GALNTL6: variants seen among roughly 807,000 people sequenced by gnomAD.
GALNTL6 encodes the protein polypeptide N-acetylgalactosaminyltransferase like 6.
Under a neutral mutation model 73.7 loss-of-function variants are expected in GALNTL6, and 46 were observed. That is an observed-to-expected ratio of 0.62 (90% CI 0.49 to 0.80). The LOEUF (loss-of-function observed/expected upper bound fraction) is 0.80. GALNTL6 is among the 30% of genes least tolerant of loss of function. The pLI, the probability that GALNTL6 is intolerant of heterozygous loss-of-function variation, is 0.00. For missense variants in GALNTL6, 604 were observed against 755.0 expected, an observed-to-expected ratio of 0.80 and a Z score of 2.34; for synonymous variants, 259 against 263.7, an observed-to-expected ratio of 0.98 and a Z score of 0.17.
chr4:171,921,785 C>A (rs1737796143), intron 2 of GALNTL6, among the ~76,000 whole-genome samples: 1 of 152,002 alleles, frequency 6.6e-6, no homozygotes, highest in Admixed American at 6.6e-5. Context: ...ATCTTAACTG[C>A]TGTTACTAAT....
intron 2 of GALNTL6, among the ~76,000 whole-genome samples, chr4:171,852,898 A>G (rs1283385021): frequency 6.6e-6 from 1 of 151,634 alleles, no homozygotes; most frequent in Admixed American, 6.6e-5. Flanking sequence ...CCAGGCTGGA[A>G]TGCAGTGGCC....
Position 172,851,841 on chromosome 4 carries a change from T to C in GALNTL6, c.924-30949T>C, listed in dbSNP as rs184374160. ...TGCTGGGTCACAGCAACATGAGTTC[T>C]AAGTAGCCCCAATATTTAAGGTGTT... On this transcript the variant is annotated intron_variant, in intron 7 of 12. Coordinates refer to ENST00000506823, the MANE Select transcript of GALNTL6 (RefSeq NM_001034845.3). Among the ~76,000 whole-genome samples the C allele has an allele frequency of 2.0e-3, 304 of 152,240 alleles. 4 individuals are homozygous for C. The highest frequency in any genetic ancestry group is 7.1e-3 in the African/African-American group (296 of 41,544).
At position 172,099,257 on chromosome 4, in the gene GALNTL6, C is replaced by T. The variant is rs540256418; in HGVS notation, c.139-130399C>T. ...GGCAGTTAAAACCAAATGTAATGGT[C>T]AGGGGAATGGGTGAGGAGTTAAATA... On this transcript the variant is annotated intron_variant, in intron 2 of 12. Transcript: ENST00000506823. Among the ~76,000 whole-genome samples, 3 of 152,178 alleles carry T rather than the reference C, an allele frequency of 2.0e-5. No individual in the cohort carries two copies. In the South Asian group the frequency reaches 6.2e-4, roughly 32 times the overall value.
At chr4:172,881,872 G>GCTA (rs1479384351) in intron 7 of GALNTL6, among the ~76,000 whole-genome samples, 8 of 152,072 alleles carry the variant, frequency 5.3e-5, no homozygotes, top group African/African-American at 1.9e-4. Flanking sequence ...GCCTCACCAC[G>GCTA]CTAGCCTCAG....
intron 3 of GALNTL6, among the ~76,000 whole-genome samples, chr4:172,299,200 A>G (rs7699597): frequency 0.96 from 146,489 of 152,032 alleles, 70,810 homozygotes; most frequent in East Asian, 1. Context: ...ATTTCTGTGG[A>G]ATTGGTGGTG....
At chr4:171,859,265 AG>A (rs2110875743) in intron 2 of GALNTL6, among the ~76,000 whole-genome samples, 1 of 152,340 alleles carries the variant, frequency 6.6e-6, no homozygotes, top group South Asian at 2.1e-4. Flanking sequence ...GTGGTTATCC[AG>A]GCAGTTCATA....
rs532056417 is a variant in GALNTL6, at chr4:172,978,976, A to G, written c.1371+26718A>G. On this transcript the variant is annotated intron_variant, in intron 10 of 12. Transcript: ENST00000506823. The stretch of plus-strand genomic sequence containing the variant: ...GTAAAATGAGGATAGTAGTCCCTGT[A>G]TTATAGAGTTTGTTGAGGATTAACT... Among the ~76,000 whole-genome samples the G allele has an allele frequency of 4.1e-4, 62 of 152,372 alleles. 1 individual carries two copies. The highest frequency in any genetic ancestry group is 3.5e-3 in the Admixed American group (53 of 15,312).
intron 3 of GALNTL6, among the ~76,000 whole-genome samples, chr4:172,269,144 C>G (rs1738551016): frequency 6.6e-6 from 1 of 152,116 alleles, no homozygotes; most frequent in Non-Finnish European, 1.5e-5. Context: ...CTCACCTACA[C>G]CAAGCCACTG....
At chr4:172,828,373 C>T (rs1742394701) in intron 7 of GALNTL6, among the ~76,000 whole-genome samples, 1 of 152,100 alleles carries the variant, frequency 6.6e-6, no homozygotes, top group African/African-American at 2.4e-5. Flanking sequence ...CACCCCACGT[C>T]CCACAGGGAG....
At chr4:172,867,941 C>T (rs895149865) in intron 7 of GALNTL6, among the ~76,000 whole-genome samples, 8 of 152,148 alleles carry the variant, frequency 5.3e-5, no homozygotes, top group Admixed American at 1.3e-4. Context: ...AATTGATGCA[C>T]GGGCAGAAAT....
intron 2 of GALNTL6, among the ~76,000 whole-genome samples, chr4:171,830,735 C>G (rs1387285152): frequency 6.6e-6 from 1 of 152,044 alleles, no homozygotes; most frequent in Non-Finnish European, 1.5e-5. Context: ...TCTGACTATG[C>G]TATAGAAGAT....
intron 5 of GALNTL6, among the ~76,000 whole-genome samples, chr4:172,733,566 G>T (rs1736276698): frequency 6.6e-6 from 1 of 152,146 alleles, no homozygotes; most frequent in African/African-American, 2.4e-5. Context: ...CTAGTGGGAG[G>T]TAATTGAATC....
At chr4:172,129,840 C>T (rs763550876) in intron 2 of GALNTL6, among the ~76,000 whole-genome samples, 1 of 152,152 alleles carries the variant, frequency 6.6e-6, no homozygotes. Context: ...ACACAGTGGG[C>T]TCAGTTGATA....
chr4:172,205,833 G>A (rs1309585361), intron 2 of GALNTL6, among the ~76,000 whole-genome samples: 3 of 152,204 alleles, frequency 2.0e-5, no homozygotes, highest in South Asian at 2.1e-4. Flanking sequence ...TCTTTGTTCC[G>A]GAGATCTCAT....
chr4:172,134,245 C>T (rs1229136114), intron 2 of GALNTL6, among the ~76,000 whole-genome samples: 2 of 151,984 alleles, frequency 1.3e-5, no homozygotes, highest in East Asian at 3.9e-4. Flanking sequence ...ATTAGCTGGG[C>T]ATGGTGGCGG....
chr4:172,062,217 G>T (rs1302879831), intron 2 of GALNTL6, among the ~76,000 whole-genome samples: 1 of 151,950 alleles, frequency 6.6e-6, no homozygotes, highest in African/African-American at 2.4e-5. Context: ...GCCTCCCAAA[G>T]TGCTGGGATT....
chr4:172,742,788 A>AT (rs1417860708), intron 5 of GALNTL6, among the ~76,000 whole-genome samples: 1 of 151,982 alleles, frequency 6.6e-6, no homozygotes, highest in Non-Finnish European at 1.5e-5. Flanking sequence ...CTAGGACATC[A>AT]TTTTTTTGGA....
chr4:172,324,010 T>C (rs2111168903), intron 4 of GALNTL6, among the ~76,000 whole-genome samples: 1 of 152,098 alleles, frequency 6.6e-6, no homozygotes, highest in East Asian at 1.9e-4. Context: ...TGGCACAAAA[T>C]CATAACCATT....
chr4:172,501,772 A>G (rs2110777986), intron 5 of GALNTL6, among the ~76,000 whole-genome samples: 1 of 152,286 alleles, frequency 6.6e-6, no homozygotes, highest in East Asian at 1.9e-4. Flanking sequence ...ATTTAAAAAA[A>G]TTAAACTATC....
Sources: gnomAD v4.1 joint callset for allele counts (sites outside exome capture counted in the v4.1 genomes callset) on GRCh38, gnomAD v4.1.1 for gene constraint, MANE v1.5 for transcripts, NCBI Gene and HGNC (gene_info 2026-07-23, HGNC 2026-07-21) for gene names.